FER1L6: variants seen among roughly 807,000 people sequenced by gnomAD.
FER1L6 encodes fer-1 like family member 6, also known as fer-1-like protein 6.
FER1L6 carries 177 observed loss-of-function variants against 219.2 expected under a neutral mutation model. The observed-to-expected ratio is 0.81, with a 90% CI of 0.71 to 0.91. The LOEUF (loss-of-function observed/expected upper bound fraction) is 0.91. Among genes scored for constraint, FER1L6 ranks in the 40% least tolerant of loss-of-function variants. The pLI is 0.00. For synonymous variants in FER1L6, 768 were observed against 824.3 expected, an observed-to-expected ratio of 0.93 and a Z score of 1.17; for missense variants, 2,153 against 2,259.9, an observed-to-expected ratio of 0.95 and a Z score of 0.96.
At chr8:123,952,745 G>T (rs551824449) in intron 1 of FER1L6, among the ~76,000 whole-genome samples, 84 of 152,222 alleles carry the variant, frequency 5.5e-4, no homozygotes, top group African/African-American at 1.9e-3. Context: ...CATCTTCCTC[G>T]TGGTATGCTG....
chr8:124,105,364 G>C (rs763160447), intron 39 of FER1L6, among the ~76,000 whole-genome samples: 1 of 152,206 alleles, frequency 6.6e-6, no homozygotes, highest in Non-Finnish European at 1.5e-5. Flanking sequence ...CAGGCCTCGA[G>C]ACTATGGTGA....
intron 39 of FER1L6, among the ~76,000 whole-genome samples, chr8:124,108,686 G>A (rs1051461982): frequency 1.3e-5 from 2 of 152,060 alleles, no homozygotes; most frequent in Non-Finnish European, 2.9e-5. Flanking sequence ...AGACCAGCCT[G>A]GGCAACACAA....
chr8:123,924,398 C>G (rs1203674617), intron 1 of FER1L6, among the ~76,000 whole-genome samples: 1 of 150,970 alleles, frequency 6.6e-6, no homozygotes, highest in Non-Finnish European at 1.5e-5. Flanking sequence ...AAAAATTAGC[C>G]GGGCATGGCG....
Position 123,852,374 on chromosome 8 carries a change from G to A in FER1L6, c.-8+189G>A, listed in dbSNP as rs140403264. ...CCCCAGGGAATGGTGCCATATATTG[G>A]GGACTCAGCATTGGTCTCTGCTGTT... On this transcript the variant is annotated intron_variant, in intron 1 of 40. Coordinates refer to ENST00000522917, the MANE Select transcript of FER1L6 (RefSeq NM_001039112.2). This position sits in a 1 kb window ranked among gnomAD's most constrained non-coding sequence, Gnocchi z 4.9. 2.0e-5 allele frequency among the ~76,000 whole-genome samples: 3 copies of A among 152,162 alleles called. No homozygotes were observed. Among genetic ancestry groups the A allele is most frequent in the East Asian group, 3.9e-4 (2 of 5,170 alleles).
chr8:124,097,836 T>C lies in FER1L6; in HGVS notation c.4836T>C (p.Asp1612=), dbSNP rs775463902. 1.9e-6 allele frequency: 3 copies of C among 1,607,888 alleles called. No homozygotes were observed. The highest frequency in any genetic ancestry group is 8.5e-7 in the Non-Finnish European group (1 of 1,174,374). ...ACACTGAAGATGTCATTTTAGAGGA[T>C]GAGAATATCTTCACAGGCCAAAAAT... ...IWNTEDVILE[D]ENIFTGQKSS... The change falls in exon 37 of 41, where the codon GAT becomes GAC. Residue 1612 remains aspartate, a synonymous_variant. Coordinates refer to ENST00000522917, the MANE Select transcript of FER1L6 (RefSeq NM_001039112.2).
chr8:124,105,669 G>A (rs1586347952), intron 39 of FER1L6, among the ~76,000 whole-genome samples: 1 of 152,320 alleles, frequency 6.6e-6, no homozygotes, highest in Admixed American at 6.5e-5. Context: ...ACGGCATGGA[G>A]GTTCCCGGTG....
rs752329515 is a variant in FER1L6, at chr8:123,963,364, A to G, written c.163A>G (p.Ile55Val). ...AGATTTGGTCCATGATGATGCTTCT[A>G]TCTTTCCTGTCCCCTCAGCTTCTCC... ...RGDLVHDDAS[I>V]FPVPSASPKR... The change falls in exon 3 of 41, where the codon ATC (isoleucine) becomes GTC (valine). Residue 55 changes from isoleucine to valine, a missense_variant. Transcript: ENST00000522917. 1 of 1,614,154 alleles carries G rather than the reference A, an allele frequency of 6.2e-7. No individual in the cohort carries two copies. Among genetic ancestry groups the G allele is most frequent in the Non-Finnish European group, 8.5e-7 (1 of 1,179,990 alleles).
intron 1 of FER1L6, among the ~76,000 whole-genome samples, chr8:123,935,092 A>C (rs995199521): frequency 1.3e-5 from 2 of 152,172 alleles, no homozygotes; most frequent in East Asian, 1.9e-4. Flanking sequence ...TTCTTAGCTA[A>C]TTAATGATCA....
rs567278064 is a variant in FER1L6, at chr8:124,023,515, C to A, written c.2205C>A (p.Ile735=). The A allele has an allele frequency of 4.3e-6, 7 of 1,614,176 alleles. 1 individual carries two copies. In the African/African-American group the frequency reaches 5.3e-5, roughly 12 times the overall value. ...ACAGGAGAGTGGCCTATGCCCGCAT[C>A]GCCTCCAAAGACCTCCTCTATTCCC... The part of the protein sequence containing the change: ...SNNRRVAYAR[I]ASKDLLYSPV... The change falls in exon 18 of 41, where the codon ATC becomes ATA. Residue 735 remains isoleucine (I), a synonymous_variant. Transcript: ENST00000522917.
chr8:124,101,012 T>A (rs548270088), intron 37 of FER1L6, 85 bp from the exon 38 acceptor site: 3 of 1,294,682 alleles, frequency 2.3e-6, no homozygotes, highest in South Asian at 2.6e-5. Context: ...TGTGACCACA[T>A]TGAAATAAGC....
chr8:124,099,917 G>A (rs1464897313), intron 37 of FER1L6, among the ~76,000 whole-genome samples: 2 of 152,010 alleles, frequency 1.3e-5, no homozygotes, highest in Admixed American at 1.3e-4. Context: ...AGTGACTTCT[G>A]CCACTCACTC....
At chr8:123,923,700 C>A (rs1293725657) in intron 1 of FER1L6, among the ~76,000 whole-genome samples, 1 of 152,048 alleles carries the variant, frequency 6.6e-6, no homozygotes, top group Non-Finnish European at 1.5e-5. Flanking sequence ...TTAATCCTCC[C>A]AACTGCCCTA....
At chr8:124,104,757 TTTTATATCCC>T (rs1822693984) in intron 39 of FER1L6, among the ~76,000 whole-genome samples, 1 of 152,228 alleles carries the variant, frequency 6.6e-6, no homozygotes, top group East Asian at 1.9e-4. Context: ...AGCTATTATA[TTTTATATCCC>T]TTTAGATTTT....
At chr8:123,999,011 C>T (rs1177904801) in intron 12 of FER1L6, among the ~76,000 whole-genome samples, 3 of 152,214 alleles carry the variant, frequency 2.0e-5, no homozygotes, top group Admixed American at 6.5e-5. Context: ...AGAGTGAAGG[C>T]CTGAAATCAG....
intron 39 of FER1L6, among the ~76,000 whole-genome samples, chr8:124,109,250 T>G (rs955375426): frequency 2.6e-5 from 4 of 152,112 alleles, no homozygotes; most frequent in African/African-American, 9.7e-5. Context: ...ACAGATTGGT[T>G]CAATCAGGTA....
intron 12 of FER1L6, among the ~76,000 whole-genome samples, chr8:124,002,703 G>T (rs189185073): frequency 1.2e-5 from 1 of 83,056 alleles, no homozygotes; most frequent in Non-Finnish European, 2.3e-5. Flanking sequence ...CCCACCCCCC[G>T]CCCTTAATTG....
chr8:123,976,010 G>A lies in FER1L6; in HGVS notation c.796G>A (p.Val266Ile), dbSNP rs200724975. 1.6e-5 allele frequency: 26 copies of A among 1,613,956 alleles called. No homozygotes were observed. Among genetic ancestry groups the A allele is most frequent in the East Asian group, 4.5e-5 (2 of 44,890 alleles). Residue 266 changes from valine to isoleucine, a missense_variant, in exon 9 of 41, where the codon GTC (valine) becomes ATC (isoleucine). Physicochemically the swap from Val to Ile is conservative, Grantham distance 29 (BLOSUM62 3). Transcript: ENST00000522917. ...PKMNSSIMAN[V>I]TKAFVGDSKD... The stretch of plus-strand genomic sequence containing the variant: ...AATGAATTCAAGCATCATGGCGAAC[G>A]TCACCAAGGCATTTGTGGGTGACAG...
chr8:123,954,915 C>G (rs1814946276), intron 1 of FER1L6, among the ~76,000 whole-genome samples: 1 of 152,182 alleles, frequency 6.6e-6, no homozygotes, highest in South Asian at 2.1e-4. Context: ...TTGTTCCTTC[C>G]CCTCCTCTCT....
chr8:124,102,270 A>G (rs1268843198), intron 38 of FER1L6, among the ~76,000 whole-genome samples: 1 of 152,176 alleles, frequency 6.6e-6, no homozygotes, highest in East Asian at 1.9e-4. Flanking sequence ...GGGGGCTTAA[A>G]ATTTTATTTT....
Sources: gnomAD v4.1 joint callset for allele counts (sites outside exome capture counted in the v4.1 genomes callset) on GRCh38, gnomAD v4.1.1 for gene constraint, Gnocchi (gnomAD v3.1) non-coding constraint, MANE v1.5 for transcripts, NCBI Gene and HGNC (gene_info 2026-07-23, HGNC 2026-07-21) for gene names.